PTPRR: variants seen among roughly 807,000 people sequenced by gnomAD.
The protein encoded by PTPRR is receptor-type tyrosine-protein phosphatase R.
PTPRR carries 38 observed loss-of-function variants against 77.2 expected under a neutral mutation model. That is an observed-to-expected ratio of 0.49 (90% CI 0.38 to 0.65). PTPRR has a LOEUF of 0.65. PTPRR is among the 30% of genes least tolerant of loss of function. The pLI is 0.00. For synonymous variants in PTPRR, 299 were observed against 283.1 expected (o/e 1.06, Z -0.57); for missense variants, 744 against 799.2 (o/e 0.93, Z 0.83).
intron 2 of PTPRR, among the ~76,000 whole-genome samples, chr12:70,888,675 C>G (rs1375317457): frequency 6.6e-6 from 1 of 151,810 alleles, no homozygotes; most frequent in Non-Finnish European, 1.5e-5. Context: ...TCCCATATAC[C>G]CTTAACACAT....
chr12:70,761,345 A>T, intron 4 of PTPRR, 126 bp downstream of exon 4: 1 of 884,282 alleles, frequency 1.1e-6, no homozygotes. Context: ...TCTGACACTC[A>T]GGGAAATTTT....
At chr12:70,826,572 T>C (rs1379481693) in intron 2 of PTPRR, among the ~76,000 whole-genome samples, 1 of 152,190 alleles carries the variant, frequency 6.6e-6, no homozygotes, top group East Asian at 1.9e-4. Context: ...GACAAGGTTT[T>C]CCCCAAACAG....
At chr12:70,650,284 A>G (rs1886347140) in intron 13 of PTPRR, among the ~76,000 whole-genome samples, 1 of 151,952 alleles carries the variant, frequency 6.6e-6, no homozygotes, top group African/African-American at 2.4e-5. Flanking sequence ...CTCTACTAAA[A>G]ATACAAAAAT....
intron 6 of PTPRR, among the ~76,000 whole-genome samples, chr12:70,725,512 T>C (rs1889400825): frequency 6.6e-6 from 1 of 152,278 alleles, no homozygotes; most frequent in African/African-American, 2.4e-5. Context: ...CCCCAATGTA[T>C]TAAGTTCTTG....
intron 13 of PTPRR, among the ~76,000 whole-genome samples, chr12:70,640,127 A>G (rs1279883983): frequency 6.6e-6 from 1 of 152,148 alleles, no homozygotes; most frequent in South Asian, 2.1e-4. Flanking sequence ...ATGTTTTTAT[A>G]TACATAATAC....
intron 1 of PTPRR, among the ~76,000 whole-genome samples, chr12:70,901,307 C>G (rs1161286080): frequency 6.6e-6 from 1 of 151,450 alleles, no homozygotes; most frequent in Non-Finnish European, 1.5e-5. Context: ...TGCACTCCTA[C>G]GTTCACTGAA....
At chr12:70,734,412 T>C (rs1462474298) in intron 6 of PTPRR, among the ~76,000 whole-genome samples, 1 of 152,172 alleles carries the variant, frequency 6.6e-6, no homozygotes, top group African/African-American at 2.4e-5. Context: ...TAGTTAGATT[T>C]TGTCCCCCAT....
intron 2 of PTPRR, among the ~76,000 whole-genome samples, chr12:70,833,395 A>G (rs17108861): frequency 0.37 from 56,206 of 151,824 alleles, 10,867 homozygotes; most frequent in East Asian, 0.61. Flanking sequence ...GGAGGTGATG[A>G]ATTCAGTGTT....
chr12:70,760,997 T>C (rs1890677660), intron 4 of PTPRR, among the ~76,000 whole-genome samples: 1 of 152,114 alleles, frequency 6.6e-6, no homozygotes, highest in Non-Finnish European at 1.5e-5. Context: ...TATAGTTTCT[T>C]CAGAAAAAGA....
chr12:70,674,179 C>T (rs1034669849), intron 10 of PTPRR, among the ~76,000 whole-genome samples: 3 of 152,164 alleles, frequency 2.0e-5, no homozygotes, highest in Non-Finnish European at 2.9e-5. Flanking sequence ...AAGCAATCTT[C>T]CTGACTCAGC....
At chr12:70,869,368 G>C (rs1191649486) in intron 2 of PTPRR, among the ~76,000 whole-genome samples, 4 of 152,042 alleles carry the variant, frequency 2.6e-5, no homozygotes, top group Non-Finnish European at 5.9e-5. Context: ...TTGCTTTGAG[G>C]AGACTCACAC....
rs990431275 is a variant in PTPRR, at chr12:70,757,601, C to T, written c.628-3300G>A. On this transcript the variant is annotated intron_variant, in intron 4 of 13. Transcript: ENST00000283228. ...GTTTTCTAGTTGGGTTTTTTTGTTT[C>T]TGAAGAGTCATTTTCAATTTAAAAA... 2.0e-5 allele frequency among the ~76,000 whole-genome samples: 3 copies of T among 151,780 alleles called. No individual in the cohort carries two copies. In the East Asian group the frequency reaches 5.8e-4, roughly 29 times the overall value.
At chr12:70,823,108 G>C (rs1027292231) in intron 2 of PTPRR, among the ~76,000 whole-genome samples, 24 of 139,582 alleles carry the variant, frequency 1.7e-4, no homozygotes, top group African/African-American at 5.0e-4. Flanking sequence ...CTCTCTCTCT[G>C]ACACACACAC....
chr12:70,787,406 T>C (rs946158611), intron 2 of PTPRR, among the ~76,000 whole-genome samples: 13 of 152,214 alleles, frequency 8.5e-5, no homozygotes, highest in African/African-American at 1.7e-4. Context: ...TAAAATTAAC[T>C]TGAAGAGTAT....
intron 2 of PTPRR, among the ~76,000 whole-genome samples, chr12:70,843,840 A>C (rs1194993236): frequency 1.1e-4 from 14 of 126,426 alleles, no homozygotes; most frequent in Admixed American, 1.1e-3. Context: ...TTTGAGAGAG[A>C]GTTTCACTCT....
intron 13 of PTPRR, among the ~76,000 whole-genome samples, chr12:70,650,445 A>G (rs1886353283): frequency 7.1e-6 from 1 of 140,482 alleles, no homozygotes; most frequent in African/African-American, 3.0e-5. Flanking sequence ...CAAACAAAAC[A>G]AAACAAAATA....
chr12:70,737,490 C>CTA (rs1889905050), intron 6 of PTPRR, among the ~76,000 whole-genome samples: 1 of 122,832 alleles, frequency 8.1e-6, no homozygotes. Context: ...TAATGAATAT[C>CTA]TATCTATCTA....
chr12:70,749,514 T>A (rs1057485819), intron 5 of PTPRR, among the ~76,000 whole-genome samples: 3 of 152,150 alleles, frequency 2.0e-5, no homozygotes, highest in Non-Finnish European at 4.4e-5. Flanking sequence ...AGAAAAAAAA[T>A]TGAAAATTAA....
chr12:70,649,805 C>G (rs1223807000), intron 13 of PTPRR, among the ~76,000 whole-genome samples: 1 of 152,084 alleles, frequency 6.6e-6, no homozygotes, highest in African/African-American at 2.4e-5. Context: ...GAACTCCTGA[C>G]CTCAAGTGAT....
Sources: allele counts gnomAD v4.1 joint callset (sites outside exome capture counted in the v4.1 genomes callset), GRCh38; gene constraint gnomAD v4.1.1; transcripts MANE v1.5; gene names NCBI Gene and HGNC (gene_info 2026-07-23, HGNC 2026-07-21).